SPAG17: variants seen among roughly 807,000 people sequenced by gnomAD.
SPAG17 encodes sperm-associated antigen 17.
Under a neutral mutation model 273.6 loss-of-function variants are expected in SPAG17, and 169 were observed. The observed-to-expected ratio is 0.62, with a 90% CI of 0.55 to 0.70. The LOEUF is 0.70. SPAG17 is among the 30% of genes least tolerant of loss of function. The pLI, the probability that SPAG17 is intolerant of heterozygous loss-of-function variation, is 0.00. For synonymous variants in SPAG17, 825 were observed against 873.2 expected, an observed-to-expected ratio of 0.94 and a Z score of 0.97; for missense variants, 2,557 against 2,627.8, an observed-to-expected ratio of 0.97 and a Z score of 0.59.
chr1:118,045,939 A>G (rs1650300396), intron 20 of SPAG17, among the ~76,000 whole-genome samples: 1 of 152,236 alleles, frequency 6.6e-6, no homozygotes, highest in Non-Finnish European at 1.5e-5. Flanking sequence ...AAACCCCAGT[A>G]AAAGAACTTC....
At chr1:117,957,773 A>G (rs1338536897) in intron 48 of SPAG17, among the ~76,000 whole-genome samples, 1 of 152,180 alleles carries the variant, frequency 6.6e-6, no homozygotes, top group African/African-American at 2.4e-5. Flanking sequence ...AGTGTGGCCC[A>G]GGGGAGCCAA....
At chr1:118,166,050 A>G (rs986583275) in intron 1 of SPAG17, among the ~76,000 whole-genome samples, 3 of 152,218 alleles carry the variant, frequency 2.0e-5, no homozygotes, top group African/African-American at 7.2e-5. Flanking sequence ...CAAATATTAT[A>G]TACATACATG....
chr1:118,135,310 C>A (rs1193829604), intron 3 of SPAG17, among the ~76,000 whole-genome samples: 2 of 150,872 alleles, frequency 1.3e-5, no homozygotes, highest in Admixed American at 1.3e-4. Flanking sequence ...ACTTACTGTG[C>A]CAGAACCAAA....
intron 25 of SPAG17, among the ~76,000 whole-genome samples, chr1:118,030,846 G>C (rs1035987029): frequency 2.6e-5 from 4 of 152,100 alleles, no homozygotes; most frequent in African/African-American, 9.7e-5. Context: ...TATCATTGAT[G>C]GGCATTTGAG....
chr1:117,957,176 G>C, intron 48 of SPAG17: 1 of 1,611,120 alleles, frequency 6.2e-7, no homozygotes, highest in South Asian at 1.1e-5. Flanking sequence ...TTATATGCCG[G>C]TGCCTCTTCT....
intron 43 of SPAG17, 79 bp downstream of exon 43, chr1:117,981,189 CCT>C: frequency 7.0e-7 from 1 of 1,421,102 alleles, no homozygotes; most frequent in Non-Finnish European, 9.3e-7. Flanking sequence ...CTCAACCTCG[CCT>C]CCTAGCGCCA....
chr1:117,964,100 T>C, intron 47 of SPAG17, 162 bp from the exon 48 acceptor site: 2 of 683,322 alleles, frequency 2.9e-6, no homozygotes, highest in East Asian at 5.6e-5. Flanking sequence ...GCTTGGGGGT[T>C]AGAGGATGGA....
intron 18 of SPAG17, among the ~76,000 whole-genome samples, chr1:118,061,102 T>C (rs936909886): frequency 6.6e-6 from 1 of 152,140 alleles, no homozygotes; most frequent in African/African-American, 2.4e-5. Flanking sequence ...ATATGGTTGG[T>C]AGGAATGTAG....
At chr1:118,035,590 C>G (rs1248489412) in intron 24 of SPAG17, among the ~76,000 whole-genome samples, 2 of 152,020 alleles carry the variant, frequency 1.3e-5, no homozygotes, top group Non-Finnish European at 1.5e-5. Context: ...CAGTAGAGTA[C>G]TAGGATATTT....
At chr1:118,174,694 G>A (rs1251438197) in intron 1 of SPAG17, among the ~76,000 whole-genome samples, 1 of 152,164 alleles carries the variant, frequency 6.6e-6, no homozygotes, top group Non-Finnish European at 1.5e-5. Flanking sequence ...GCTAAAGACA[G>A]ACAGAATTTT....
intron 1 of SPAG17, among the ~76,000 whole-genome samples, chr1:118,178,236 A>T (rs1160619638): frequency 2.0e-5 from 3 of 152,166 alleles, no homozygotes; most frequent in Non-Finnish European, 4.4e-5. Flanking sequence ...CATTAAAAAG[A>T]TAATTTACCA....
intron 44 of SPAG17, among the ~76,000 whole-genome samples, chr1:117,972,486 G>A (rs532585652): frequency 6.6e-6 from 1 of 152,344 alleles, no homozygotes; most frequent in Admixed American, 6.5e-5. Context: ...CAAGTTCTTA[G>A]TGTTGGCAAT....
chr1:118,183,097 C>CA (rs1362143288), intron 1 of SPAG17, among the ~76,000 whole-genome samples: 1 of 152,106 alleles, frequency 6.6e-6, no homozygotes, highest in African/African-American at 2.4e-5. Flanking sequence ...TTGGGTTATC[C>CA]AATGAGTTAC....
chr1:118,156,885 G>A (rs192769694), intron 1 of SPAG17, among the ~76,000 whole-genome samples: 34 of 152,058 alleles, frequency 2.2e-4, no homozygotes, highest in Non-Finnish European at 3.7e-4. Flanking sequence ...GAGAAGGGAG[G>A]CAGACTGAAG....
chr1:118,085,538 GCA>G lies in SPAG17; in HGVS notation c.1762+382_1762+383del, dbSNP rs372317004. ...CGTGCGTGCATACGCGTGCGCGCGC[GCA>G]CACACACACACACACACACAGCCCT... On this transcript the variant is annotated intron_variant, in intron 13 of 48. Coordinates refer to ENST00000336338, the MANE Select transcript of SPAG17 (RefSeq NM_206996.4). 1.3e-3 allele frequency among the ~76,000 whole-genome samples: 194 copies of G among 149,288 alleles called. 1 individual carries two copies. The highest frequency in any genetic ancestry group is 0.01 in the Middle Eastern group (3 of 286).
intron 3 of SPAG17, among the ~76,000 whole-genome samples, chr1:118,119,925 A>C (rs1288472261): frequency 6.6e-6 from 1 of 152,150 alleles, no homozygotes; most frequent in Non-Finnish European, 1.5e-5. Flanking sequence ...TGTGCTGATA[A>C]GTTTTGCTTA....
At chr1:117,959,676 T>G (rs1485779744) in intron 48 of SPAG17, 2 of 369,774 alleles carry the variant, frequency 5.4e-6, no homozygotes, top group Non-Finnish European at 9.5e-6. Context: ...AATCTTTCTG[T>G]GCTCTCAAAG....
At chr1:118,074,640 T>A (rs374722748) in intron 15 of SPAG17, 40 bp from the exon 16 acceptor site, 6 of 1,582,810 alleles carry the variant, frequency 3.8e-6, no homozygotes, top group Non-Finnish European at 5.2e-6. Context: ...GTGTTCTGGC[T>A]TTGTTCTTGC....
chr1:117,977,385 T>C (rs1157051108), intron 43 of SPAG17, among the ~76,000 whole-genome samples: 1 of 152,190 alleles, frequency 6.6e-6, no homozygotes, highest in Non-Finnish European at 1.5e-5. Flanking sequence ...TAGTGTAACA[T>C]AATATAGAGA....
Sources: gnomAD v4.1 joint callset for allele counts (sites outside exome capture counted in the v4.1 genomes callset) on GRCh38, gnomAD v4.1.1 for gene constraint, MANE v1.5 for transcripts, NCBI Gene and HGNC (gene_info 2026-07-23, HGNC 2026-07-21) for gene names.